The following INTS10 variants were observed in gnomAD, a reference collection of about 807,000 sequenced individuals.
The protein encoded by INTS10 is chromosome 8 open reading frame 35.
INTS10 carries 44 observed loss-of-function variants against 94.4 expected under a neutral mutation model. The ratio of observed to expected loss-of-function variants is 0.47; its 90% CI spans 0.37 to 0.60. The LOEUF (loss-of-function observed/expected upper bound fraction) is 0.60. INTS10 is among the 20% of genes least tolerant of loss of function. INTS10 has a pLI of 0.00. For missense variants in INTS10, 797 were observed against 868.7 expected (o/e 0.92, Z 1.04); for synonymous variants, 341 against 320.7 (o/e 1.06, Z -0.68).
In INTS10 at chr8:19,820,490, G is replaced by T; in HGVS notation, c.413G>T (p.Arg138Leu). ...GAAATGTTGCTTCTACTTTTGAGGC[G>T]CTTCCCTGAAACGGTGGTGCAGCAT... The part of the protein sequence containing the change: ...RSEMLLLLLR[R>L]FPETVVQHGV... The change falls in exon 4 of 17, where the codon CGC (arginine) becomes CTC (leucine). Residue 138 changes from arginine (R) to leucine (L), a missense_variant. Arg to Leu is a moderately radical substitution (Grantham distance 102, BLOSUM62 -2). Coordinates refer to ENST00000397977, the MANE Select transcript of INTS10 (RefSeq NM_018142.4). 4.3e-6 allele frequency: 7 copies of T among 1,612,420 alleles called. No individual in the cohort carries two copies. The highest frequency in any genetic ancestry group is 5.9e-6 in the Non-Finnish European group (7 of 1,178,798).
intron 9 of INTS10, among the ~76,000 whole-genome samples, chr8:19,827,458 C>T (rs950851736): frequency 2.0e-5 from 3 of 152,226 alleles, no homozygotes; most frequent in Non-Finnish European, 2.9e-5. Context: ...TTTACTGTCT[C>T]TGTCCCTCCT....
intron 13 of INTS10, among the ~76,000 whole-genome samples, chr8:19,839,325 C>G (rs1474822550): frequency 6.6e-6 from 1 of 152,188 alleles, no homozygotes; most frequent in East Asian, 1.9e-4. Flanking sequence ...GTTCAATAAT[C>G]TGGAGATTCT....
intron 9 of INTS10, among the ~76,000 whole-genome samples, chr8:19,829,017 G>A (rs1049898223): frequency 6.6e-6 from 1 of 152,214 alleles, no homozygotes; most frequent in Non-Finnish European, 1.5e-5. Flanking sequence ...AGGAAGGTGG[G>A]CAGTGGAGGG....
intron 9 of INTS10, among the ~76,000 whole-genome samples, chr8:19,828,255 A>G (rs1010111609): frequency 2.6e-5 from 4 of 152,186 alleles, no homozygotes; most frequent in Non-Finnish European, 5.9e-5. Context: ...TTCTCATAAC[A>G]ATCCAGATTT....
intron 8 of INTS10, among the ~76,000 whole-genome samples, chr8:19,825,618 A>G (rs1026730748): frequency 1.3e-5 from 2 of 152,184 alleles, no homozygotes; most frequent in African/African-American, 4.8e-5. Flanking sequence ...TTAGTAAAAT[A>G]TCCATTTTAT....
At chr8:19,826,305 C>T in intron 8 of INTS10, 121 bp from the exon 9 acceptor site, 1 of 975,838 alleles carries the variant, frequency 1.0e-6, no homozygotes, top group Non-Finnish European at 1.5e-6. Flanking sequence ...TGGTTTTGAA[C>T]TCCCGAGCTC....
Position 19,845,749 on chromosome 8 carries a change from G to A in INTS10, c.1928G>A (p.Gly643Asp). The change falls in exon 16 of 17, where the codon GGT becomes GAT. Residue 643 changes from glycine to aspartate, a missense_variant. Transcript: ENST00000397977. ...EEFAYLRTQE[G>D]GKIHLELLPN... The stretch of plus-strand genomic sequence containing the variant: ...TTTGCCTACTTGAGAACTCAGGAAG[G>A]TGGGAAAATTCATCTGGAATTACTA... 6.2e-7 allele frequency: 1 copy of A among 1,614,034 alleles called. No individual in the cohort carries two copies. The highest frequency in any genetic ancestry group is 8.5e-7 in the Non-Finnish European group (1 of 1,179,892).
At chr8:19,833,052 G>C in intron 11 of INTS10, 117 bp from the exon 12 acceptor site, 1 of 784,110 alleles carries the variant, frequency 1.3e-6, no homozygotes, top group Non-Finnish European at 1.9e-6. Flanking sequence ...ATCAAACCAA[G>C]CTACCGTCTT....
chr8:19,840,670 G>A (rs539120147), intron 13 of INTS10, among the ~76,000 whole-genome samples: 1 of 149,544 alleles, frequency 6.7e-6, no homozygotes, highest in South Asian at 2.1e-4. Flanking sequence ...ATTCAATAAG[G>A]AAAGGAAAGA....
chr8:19,851,608 T>A lies in INTS10; in HGVS notation c.1977-41T>A. On this transcript the variant is annotated intron_variant, in intron 16 of 16. Coordinates refer to ENST00000397977, the MANE Select transcript of INTS10 (RefSeq NM_018142.4). This position sits in a 1 kb window ranked among gnomAD's most constrained non-coding sequence, Gnocchi z 5.0. ...TAGCAGCGATCAGCGATGCTGGTGCTAACCCCTGGTCTTTGTCTGTTTCCC... is the reference window on the plus strand; with the variant it reads ...TAGCAGCGATCAGCGATGCTGGTGCAAACCCCTGGTCTTTGTCTGTTTCCC... 6.2e-7 allele frequency: 1 copy of A among 1,604,278 alleles called. No individual in the cohort carries two copies. Among genetic ancestry groups the A allele is most frequent in the Non-Finnish European group, 8.5e-7 (1 of 1,171,508 alleles).
chr8:19,840,004 A>T (rs1049279044), intron 13 of INTS10, among the ~76,000 whole-genome samples: 25 of 136,776 alleles, frequency 1.8e-4, no homozygotes, highest in Admixed American at 4.9e-4. Flanking sequence ...TGGAGGTTTC[A>T]TTGAGCCAAG....
intron 10 of INTS10, among the ~76,000 whole-genome samples, chr8:19,831,218 G>A (rs1031383100): frequency 3.9e-5 from 6 of 152,190 alleles, no homozygotes; most frequent in African/African-American, 1.2e-4. Flanking sequence ...CAGATGTGCT[G>A]TGTCATCTTT....
At chr8:19,848,410 T>C (rs1040317141) in intron 16 of INTS10, among the ~76,000 whole-genome samples, 1 of 152,208 alleles carries the variant, frequency 6.6e-6, no homozygotes, top group Non-Finnish European at 1.5e-5. Flanking sequence ...TGCTCTTAAG[T>C]ATTTTAAAAT....
At position 19,850,956 on chromosome 8, in the gene INTS10, C is replaced by T. The variant is rs77751133; in HGVS notation, c.1977-693C>T. On this transcript the variant is annotated intron_variant, in intron 16 of 16. Transcript: ENST00000397977. The stretch of plus-strand genomic sequence containing the variant: ...TGAGTGCCCAGACAGCGCAGGACCA[C>T]GCAGTCCACTCCCTCTGCCCCTCAG... Among the ~76,000 whole-genome samples, 535 of 152,278 alleles carry T rather than the reference C, an allele frequency of 3.5e-3. 1 individual carries two copies. The highest frequency in any genetic ancestry group is 0.012 in the African/African-American group (495 of 41,540).
At chr8:19,839,855 G>A (rs990619947) in intron 13 of INTS10, among the ~76,000 whole-genome samples, 8 of 152,060 alleles carry the variant, frequency 5.3e-5, no homozygotes, top group African/African-American at 1.9e-4. Flanking sequence ...TTGAGGCCAG[G>A]AGTTTGAGAC....
In INTS10 at chr8:19,824,775, A is replaced by T. The variant is rs1041390775; in HGVS notation, c.837-28A>T. 3 of 1,559,450 alleles carry T rather than the reference A, an allele frequency of 1.9e-6. No individual in the cohort carries two copies. The African/African-American group carries it at 4.1e-5, about 21-fold the overall frequency. On this transcript the variant is annotated intron_variant, in intron 7 of 16. Transcript: ENST00000397977. ...TTGCTGACCAGCCCAGAGTAATCAA[A>T]TAAGTTTCATCATTCCTTCCTTTTT...
chr8:19,822,819 G>T (rs569813506), intron 5 of INTS10, among the ~76,000 whole-genome samples: 3 of 151,892 alleles, frequency 2.0e-5, no homozygotes, highest in Non-Finnish European at 4.4e-5. Flanking sequence ...GCATGGTGGC[G>T]CACGCCTGTA....
At chr8:19,834,317 G>T (rs1488662316) in intron 12 of INTS10, among the ~76,000 whole-genome samples, 1 of 152,086 alleles carries the variant, frequency 6.6e-6, no homozygotes, top group Non-Finnish European at 1.5e-5. Flanking sequence ...CTTGAACTTT[G>T]AAATATGATT....
Position 19,822,475 on chromosome 8 carries a change from A to G in INTS10, c.478A>G (p.Ile160Val). 4 of 1,612,456 alleles carry G rather than the reference A, an allele frequency of 2.5e-6. No individual in the cohort carries two copies. The highest frequency in any genetic ancestry group is 3.4e-6 in the Non-Finnish European group (4 of 1,178,574). Reference sequence around the variant, plus strand: ...GGAGGCACTATTAGAGGCTGAAACTATTGAAGAACAAGAATCTCCAGTGAA... The same window carrying G: ...GGAGGCACTATTAGAGGCTGAAACTGTTGAAGAACAAGAATCTCCAGTGAA... ...LGEALLEAET[I>V]EEQESPVNCF... Residue 160 changes from isoleucine (I) to valine (V), a missense_variant, in exon 5 of 17, where the codon ATT (isoleucine) becomes GTT (valine). Ile to Val is a conservative substitution (Grantham distance 29, BLOSUM62 3). Coordinates refer to ENST00000397977, the MANE Select transcript of INTS10 (RefSeq NM_018142.4).
Sources: allele counts gnomAD v4.1 joint callset (sites outside exome capture counted in the v4.1 genomes callset), GRCh38; gene constraint gnomAD v4.1.1; non-coding constraint Gnocchi (gnomAD v3.1); transcripts MANE v1.5; gene names NCBI Gene and HGNC (gene_info 2026-07-23, HGNC 2026-07-21).